Variants in UPP2 observed in about 807,000 individuals in gnomAD.
UPP2 encodes the protein UPase 2.
Under a neutral mutation model 26.7 loss-of-function variants are expected in UPP2, and 23 were observed. The ratio of observed to expected loss-of-function variants is 0.86; its 90% CI spans 0.62 to 1.22. The LOEUF (loss-of-function observed/expected upper bound fraction) is 1.22. Among genes scored for constraint, UPP2 ranks in the 50% most tolerant of loss-of-function variants. The pLI, the probability that UPP2 is intolerant of heterozygous loss-of-function variation, is 0.00. For synonymous variants in UPP2, 127 were observed against 141.3 expected, an observed-to-expected ratio of 0.90 and a Z score of 0.72; for missense variants, 387 against 396.7, an observed-to-expected ratio of 0.98 and a Z score of 0.21.
intron 3 of UPP2, among the ~76,000 whole-genome samples, chr2:158,058,419 C>CTGTGTGTGTGTG (rs70990632): frequency 0.029 from 3,994 of 136,408 alleles, 250 homozygotes; most frequent in African/African-American, 0.094. Context: ...TCCCCCCAAC[C>CTGTGTGTGTGTG]TGTGTGTGTG....
intron 3 of UPP2, among the ~76,000 whole-genome samples, chr2:158,094,106 T>C (rs1435738991): frequency 6.6e-6 from 1 of 151,818 alleles, no homozygotes; most frequent in Non-Finnish European, 1.5e-5. Flanking sequence ...TACATACTTA[T>C]AAGTACGAGT....
chr2:158,014,848 C>T (rs1683635514), intron 2 of UPP2, among the ~76,000 whole-genome samples: 1 of 152,152 alleles, frequency 6.6e-6, no homozygotes, highest in African/African-American at 2.4e-5. Flanking sequence ...ACTCTTGAAT[C>T]ACAAATTACT....
chr2:158,125,711 C>T (rs1278389794), intron 6 of UPP2, among the ~76,000 whole-genome samples: 5 of 152,128 alleles, frequency 3.3e-5, no homozygotes, highest in East Asian at 3.9e-4. Context: ...TGAGCCACCA[C>T]GCCCAGCCCA....
chr2:158,002,088 T>C (rs765434382), intron 2 of UPP2, among the ~76,000 whole-genome samples: 9 of 151,106 alleles, frequency 6.0e-5, no homozygotes, highest in Admixed American at 2.0e-4. Flanking sequence ...TTTACCAATA[T>C]AAAATTCACC....
intron 3 of UPP2, among the ~76,000 whole-genome samples, chr2:158,081,824 G>C (rs1449402103): frequency 6.6e-6 from 1 of 151,452 alleles, no homozygotes; most frequent in East Asian, 1.9e-4. Flanking sequence ...AGTGGGGAGG[G>C]GGAAAAGTAA....
chr2:158,069,028 A>G (rs1319979653), intron 3 of UPP2, among the ~76,000 whole-genome samples: 2 of 151,088 alleles, frequency 1.3e-5, no homozygotes, highest in Admixed American at 1.3e-4. Flanking sequence ...TGTGTTAGCC[A>G]GGATGGTCTC....
chr2:158,065,359 T>A (rs891028233), intron 3 of UPP2, among the ~76,000 whole-genome samples: 1 of 152,236 alleles, frequency 6.6e-6, no homozygotes, highest in Non-Finnish European at 1.5e-5. Context: ...TATTACTGGA[T>A]TGAAGAAGTG....
Position 158,121,469 on chromosome 2 carries a change from G to A in UPP2, c.515G>A (p.Arg172Gln), listed in dbSNP as rs764369730. ...DIAVDSFFKP[R>Q]FEQVILDNIV... Reference sequence around the variant, plus strand: ...GCTGTAGACTCCTTCTTTAAGCCCCGGTTTGAACAGGTCATTTTGGACAAC... The same window carrying A: ...GCTGTAGACTCCTTCTTTAAGCCCCAGTTTGAACAGGTCATTTTGGACAAC... The change falls in exon 5 of 7, where the codon CGG becomes CAG. Residue 172 changes from arginine to glutamine, a missense_variant. Arg to Gln is a conservative substitution (Grantham distance 43). Coordinates refer to ENST00000005756, the MANE Select transcript of UPP2 (RefSeq NM_173355.4). The A allele has an allele frequency of 2.0e-5, 32 of 1,613,422 alleles. No homozygotes were observed. The highest frequency in any genetic ancestry group is 1.8e-4 in the East Asian group (8 of 44,858).
intron 6 of UPP2, among the ~76,000 whole-genome samples, chr2:158,125,389 G>A (rs976177575): frequency 2.0e-5 from 3 of 151,638 alleles, no homozygotes; most frequent in Middle Eastern, 3.2e-3. Flanking sequence ...TGGTAAAAAC[G>A]TGGGAAGAAC....
In UPP2 at chr2:158,105,024, G is replaced by A. The variant is rs190218297; in HGVS notation, c.63-1075G>A. ...GGGGAGGGGAGGGGAGGGGAGGGGA[G>A]GGGAGGGGAGGGGAGGGGAGGGGGC... On this transcript the variant is annotated intron_variant, in intron 1 of 6. Transcript: ENST00000005756. 5.7e-5 allele frequency among the ~76,000 whole-genome samples: 4 copies of A among 69,892 alleles called. 1 individual carries two copies. Among genetic ancestry groups the A allele is most frequent in the Admixed American group, 2.6e-4 (2 of 7,754 alleles). 45.9% of individuals were successfully genotyped at this position (69,892 alleles called of 152,430 possible). A position where few individuals can be genotyped will look rare whatever the true frequency, so the allele number is the denominator to read the frequency against.
At chr2:158,107,496 A>C (rs1268132723) in intron 2 of UPP2, among the ~76,000 whole-genome samples, 2 of 152,142 alleles carry the variant, frequency 1.3e-5, no homozygotes, top group Admixed American at 1.3e-4. Flanking sequence ...TGCTCATTGC[A>C]CTAGGAGGAC....
chr2:158,134,936 C>T lies in UPP2; in HGVS notation c.*46C>T, dbSNP rs1381537215. On this transcript the variant is annotated 3_prime_UTR_variant, in exon 7 of 7. Coordinates refer to ENST00000005756, the MANE Select transcript of UPP2 (RefSeq NM_173355.4). Reference sequence around the variant, plus strand: ...AACCCTCCCCTGCAAGTTTGTAGCTCAAGTTGTAATGTGAAAGTCATATTT... The same window carrying T: ...AACCCTCCCCTGCAAGTTTGTAGCTTAAGTTGTAATGTGAAAGTCATATTT... 3.9e-6 allele frequency: 6 copies of T among 1,557,568 alleles called. No individual in the cohort carries two copies. The highest frequency in any genetic ancestry group is 5.2e-6 in the Non-Finnish European group (6 of 1,150,796).
chr2:158,076,108 T>C (rs540572110), intron 3 of UPP2, among the ~76,000 whole-genome samples: 28 of 152,036 alleles, frequency 1.8e-4, no homozygotes, highest in African/African-American at 6.7e-4. Flanking sequence ...ATATACCACC[T>C]AACAAGATTG....
rs1356053321 is a variant in UPP2, at chr2:158,074,119, G to A, written c.148-27921G>A. On this transcript the variant is annotated intron_variant, in intron 3 of 9. Transcript: ENST00000605860. The stretch of plus-strand genomic sequence containing the variant: ...CTTGAGCTGGGATGCAGAGGTTTCA[G>A]TGAGCCAAGATTGTGCCACTGCATT... Among the ~76,000 whole-genome samples, 6 of 152,172 alleles carry A rather than the reference G, an allele frequency of 3.9e-5. 1 individual carries two copies. The South Asian group carries it at 1.2e-3, about 32-fold the overall frequency.
At chr2:158,093,259 T>C (rs902720814) in intron 3 of UPP2, among the ~76,000 whole-genome samples, 1 of 131,658 alleles carries the variant, frequency 7.6e-6, no homozygotes, top group Admixed American at 7.8e-5. Context: ...AGGAAGGCGG[T>C]AAAAAGAAAC....
chr2:158,065,029 C>T (rs965103973), intron 3 of UPP2, among the ~76,000 whole-genome samples: 31 of 152,076 alleles, frequency 2.0e-4, no homozygotes, highest in African/African-American at 6.3e-4. Context: ...GTGATGCTTC[C>T]GAATAGGAAC....
intron 3 of UPP2, among the ~76,000 whole-genome samples, chr2:158,072,187 T>A (rs1032049616): frequency 6.6e-6 from 1 of 152,072 alleles, no homozygotes; most frequent in South Asian, 2.1e-4. Flanking sequence ...GGTGGTGGCA[T>A]GGCAGAACTC....
At chr2:158,006,758 G>C (rs1195143223) in intron 2 of UPP2, among the ~76,000 whole-genome samples, 1 of 152,212 alleles carries the variant, frequency 6.6e-6, no homozygotes, top group Non-Finnish European at 1.5e-5. Context: ...CCTTTCAATG[G>C]AATGAGCTTC....
rs181140772 is a variant in UPP2, at chr2:158,075,599, T to G, written c.148-26441T>G. ...TGCTCCTGAATGACCATTGGGTCAATGAAGAAATTAGGAAGGAAATTGAAA... is the reference window on the plus strand; with the variant it reads ...TGCTCCTGAATGACCATTGGGTCAAGGAAGAAATTAGGAAGGAAATTGAAA... On this transcript the variant is annotated intron_variant, in intron 3 of 9. Coordinates refer to the UPP2 transcript ENST00000605860. Among the ~76,000 whole-genome samples, 4 of 152,106 alleles carry G rather than the reference T, an allele frequency of 2.6e-5. No individual in the cohort carries two copies. In the East Asian group the frequency reaches 7.7e-4, roughly 29 times the overall value.
Sources: gnomAD v4.1 joint callset for allele counts (sites outside exome capture counted in the v4.1 genomes callset) on GRCh38, gnomAD v4.1.1 for gene constraint, MANE v1.5 for transcripts, NCBI Gene and HGNC (gene_info 2026-07-23, HGNC 2026-07-21) for gene names.